DLG2: variants seen among roughly 807,000 people sequenced by gnomAD.
The protein encoded by DLG2 is disks large homolog 2.
Under a neutral mutation model 132.5 loss-of-function variants are expected in DLG2, and 45 were observed. The observed-to-expected ratio is 0.34, with a 90% CI of 0.27 to 0.44. DLG2 has a LOEUF of 0.44. Ranked by LOEUF, DLG2 falls within the 20% of genes least tolerant of loss-of-function variation. The pLI is 1.00. For missense variants in DLG2, 1,045 were observed against 1,196.9 expected (o/e 0.87, Z 1.87); for synonymous variants, 424 against 419.6 (o/e 1.01, Z -0.13).
chr11:83,874,923 G>T (rs986508725), intron 15 of DLG2, among the ~76,000 whole-genome samples: 2 of 152,034 alleles, frequency 1.3e-5, no homozygotes, highest in Non-Finnish European at 2.9e-5. Flanking sequence ...AACATATTTG[G>T]AAAAGGTAAT....
intron 18 of DLG2, among the ~76,000 whole-genome samples, chr11:83,666,574 G>T (rs1207019463): frequency 6.6e-6 from 1 of 152,136 alleles, no homozygotes; most frequent in African/African-American, 2.4e-5. Flanking sequence ...TGGAAACATT[G>T]TCTTCCACAA....
At chr11:83,675,922 C>G (rs2077601433) in intron 18 of DLG2, among the ~76,000 whole-genome samples, 1 of 152,152 alleles carries the variant, frequency 6.6e-6, no homozygotes, top group African/African-American at 2.4e-5. Context: ...GCCTTCATTC[C>G]ATTATGTTAT....
intron 3 of DLG2, among the ~76,000 whole-genome samples, chr11:85,455,089 A>G (rs1374865929): frequency 6.6e-6 from 1 of 152,202 alleles, no homozygotes; most frequent in Non-Finnish European, 1.5e-5. Flanking sequence ...TAGGAATAGC[A>G]TTGAATCTGT....
At chr11:83,627,628 A>C (rs78094442) in intron 19 of DLG2, among the ~76,000 whole-genome samples, 16,073 of 152,072 alleles carry the variant, frequency 0.11, 1,080 homozygotes, top group Middle Eastern at 0.21. Flanking sequence ...GGACATTTGG[A>C]TTGGTTCCAA....
At chr11:84,644,661 G>A (rs558313777) in intron 6 of DLG2, among the ~76,000 whole-genome samples, 91 of 150,046 alleles carry the variant, frequency 6.1e-4, no homozygotes, top group African/African-American at 2.0e-3. Context: ...AGCTGAGATC[G>A]TGCCACTGCA....
chr11:84,957,172 A>G (rs7127460), intron 6 of DLG2, among the ~76,000 whole-genome samples: 137,373 of 152,176 alleles, frequency 0.9, 62,282 homozygotes, highest in African/African-American at 0.97. Flanking sequence ...TACCTGCCCA[A>G]GATCACATGG....
chr11:84,452,830 T>C (rs2099055375), intron 7 of DLG2, among the ~76,000 whole-genome samples: 1 of 151,602 alleles, frequency 6.6e-6, no homozygotes, highest in African/African-American at 2.4e-5. Flanking sequence ...GGTTGGGGCA[T>C]GAGCTCAGGA....
chr11:85,519,334 C>T (rs2074090713), intron 3 of DLG2, among the ~76,000 whole-genome samples: 1 of 152,210 alleles, frequency 6.6e-6, no homozygotes, highest in South Asian at 2.1e-4. Context: ...CCATAGGAAC[C>T]CCCTTCTTGC....
At chr11:85,201,811 A>G (rs2081486665) in intron 4 of DLG2, among the ~76,000 whole-genome samples, 1 of 152,180 alleles carries the variant, frequency 6.6e-6, no homozygotes, top group Non-Finnish European at 1.5e-5. Flanking sequence ...AAGAATTCAA[A>G]ACAACTACTT....
chr11:83,612,374 T>A (rs980278405), intron 19 of DLG2, among the ~76,000 whole-genome samples: 16 of 152,160 alleles, frequency 1.1e-4, no homozygotes, highest in Non-Finnish European at 1.8e-4. Flanking sequence ...TTAAATAAGG[T>A]TAAATGAGAA....
chr11:83,771,162 T>C (rs1401741741), intron 18 of DLG2, among the ~76,000 whole-genome samples: 3 of 152,214 alleles, frequency 2.0e-5, no homozygotes, highest in African/African-American at 2.4e-5. Context: ...TTCTCACTAA[T>C]AGTTACCTAA....
chr11:85,452,968 A>G (rs2092300255), intron 3 of DLG2: 2 of 211,454 alleles, frequency 9.5e-6, no homozygotes, highest in Admixed American at 8.6e-5. Flanking sequence ...GCTCAGATTC[A>G]AGTACACCTG....
intron 18 of DLG2, among the ~76,000 whole-genome samples, chr11:83,729,155 AC>A (rs1234785196): frequency 6.6e-6 from 1 of 152,226 alleles, no homozygotes; most frequent in Non-Finnish European, 1.5e-5. Flanking sequence ...CAACTGCTTA[AC>A]AGGCAAAGTT....
intron 3 of DLG2, among the ~76,000 whole-genome samples, chr11:85,340,298 AC>A (rs1359977744): frequency 2.0e-5 from 3 of 152,260 alleles, no homozygotes; most frequent in East Asian, 1.9e-4. Context: ...ACCATGGAGT[AC>A]TATGCAGCTA....
intron 7 of DLG2, among the ~76,000 whole-genome samples, chr11:84,282,540 T>C (rs1368665807): frequency 6.6e-6 from 1 of 152,128 alleles, no homozygotes; most frequent in Non-Finnish European, 1.5e-5. Flanking sequence ...TTTAAGTTTC[T>C]AGAGAAACCA....
At chr11:84,177,235 CT>C (rs2095996469) in intron 8 of DLG2, among the ~76,000 whole-genome samples, 1 of 152,104 alleles carries the variant, frequency 6.6e-6, no homozygotes, top group Non-Finnish European at 1.5e-5. Context: ...CCTACTTAGC[CT>C]TTAAAAACAT....
chr11:83,904,207 G>A (rs1030636121), intron 15 of DLG2, among the ~76,000 whole-genome samples: 5 of 152,106 alleles, frequency 3.3e-5, no homozygotes, highest in Non-Finnish European at 4.4e-5. Flanking sequence ...GCAGGATAGT[G>A]AGAGATTTTA....
intron 5 of DLG2, among the ~76,000 whole-genome samples, chr11:85,138,937 T>C (rs1162282511): frequency 6.6e-6 from 1 of 152,056 alleles, no homozygotes; most frequent in Non-Finnish European, 1.5e-5. Context: ...CAATATAGTG[T>C]TTCACTCTAA....
rs548613168 is a variant in DLG2 at position 85,487,681 on chromosome 11, A to G, written c.40+110976T>C. Among the ~76,000 whole-genome samples, 3 of 152,318 alleles carry G rather than the reference A, an allele frequency of 2.0e-5. No individual in the cohort carries two copies. The South Asian group carries it at 6.2e-4, about 32-fold the overall frequency. On this transcript the variant is annotated intron_variant, in intron 3 of 27. Coordinates refer to ENST00000376104, the MANE Select transcript of DLG2 (RefSeq NM_001142699.3). ...AAGCCTTTAAGATGTTTGGCAGTAC[A>G]TAAAATGACAAAATTTACAAATTAT... is the stretch of plus-strand genomic sequence containing the variant.
Sources: gnomAD v4.1 joint callset for allele counts (sites outside exome capture counted in the v4.1 genomes callset) on GRCh38, gnomAD v4.1.1 for gene constraint, MANE v1.5 for transcripts, NCBI Gene and HGNC (gene_info 2026-07-23, HGNC 2026-07-21) for gene names.